The following RDX variants were observed in gnomAD, a reference collection of about 807,000 sequenced individuals.
RDX encodes the protein deafness, autosomal recessive 24.
Under a neutral mutation model 83.7 loss-of-function variants are expected in RDX, and 32 were observed. The ratio of observed to expected loss-of-function variants is 0.38; its 90% confidence interval spans 0.29 to 0.51. The LOEUF is 0.51. Ranked by LOEUF, RDX falls within the 20% of genes least tolerant of loss-of-function variation. The pLI, the probability that RDX is intolerant of heterozygous loss-of-function variation, is 0.87. For synonymous variants in RDX, 229 were observed against 222.7 expected (o/e 1.03, Z -0.25); for missense variants, 600 against 689.9 (o/e 0.87, Z 1.46).
chr11:110,203,700 T>C, intron 14 of RDX, among the ~76,000 whole-genome samples: 1 of 152,018 alleles, frequency 6.6e-6, no homozygotes, highest in East Asian at 1.9e-4. Flanking sequence ...AAATTTTTAG[T>C]AGCATCATCT....
chr11:110,213,078 T>C (rs1005123270), intron 14 of RDX, among the ~76,000 whole-genome samples: 2 of 151,556 alleles, frequency 1.3e-5, no homozygotes, highest in African/African-American at 4.9e-5. Flanking sequence ...ATTGTATATC[T>C]AGAAAACCCC....
At position 110,247,975 on chromosome 11, in the gene RDX, G is replaced by A. The variant is rs184821342; in HGVS notation, c.960-142C>T. 1,428 of 911,212 alleles carry A rather than the reference G, an allele frequency of 1.6e-3. 26 individuals carry two copies. In the African/African-American group the frequency reaches 0.02, roughly 13 times the overall value. The allele number at this position is 911,212 out of a possible 1,614,324, so 56.4% of individuals were successfully genotyped here. A position where few individuals can be genotyped will look rare whatever the true frequency, so the allele number is the denominator to read the frequency against. ...GAAGCTGGAGGCCATGATTCTAAGT[G>A]AAGTAACTCAGAACATACAAATGCC... On this transcript the variant is annotated intron_variant, in intron 9 of 13. Coordinates refer to ENST00000645495, the MANE Select transcript of RDX (RefSeq NM_002906.4).
At chr11:110,275,179 C>T (rs939163885) in intron 2 of RDX, among the ~76,000 whole-genome samples, 3 of 152,182 alleles carry the variant, frequency 2.0e-5, no homozygotes, top group African/African-American at 7.2e-5. Context: ...CTGTACATGG[C>T]ATGTGCATAC....
chr11:110,273,475 G>C (rs1860383906), intron 2 of RDX, among the ~76,000 whole-genome samples: 1 of 152,208 alleles, frequency 6.6e-6, no homozygotes, highest in Non-Finnish European at 1.5e-5. Flanking sequence ...ATTCATGCGT[G>C]CAATCATGGC....
intron 14 of RDX, among the ~76,000 whole-genome samples, chr11:110,219,570 C>T (rs1404567494): frequency 1.3e-5 from 2 of 151,998 alleles, no homozygotes; most frequent in East Asian, 3.8e-4. Context: ...ATGAGGTGGT[C>T]ACATTCTGGA....
At chr11:110,284,973 C>T (rs1291519521) in intron 1 of RDX, among the ~76,000 whole-genome samples, 1 of 152,186 alleles carries the variant, frequency 6.6e-6, no homozygotes, top group Non-Finnish European at 1.5e-5. Flanking sequence ...CTTTCATTAG[C>T]TTCTACAACA....
intron 2 of RDX, among the ~76,000 whole-genome samples, chr11:110,276,972 G>T (rs1860542208): frequency 6.6e-6 from 1 of 152,130 alleles, no homozygotes; most frequent in African/African-American, 2.4e-5. Context: ...ACCTTGATGG[G>T]AGTTTCATGT....
intron 15 of RDX, among the ~76,000 whole-genome samples, chr11:110,189,792 A>G (rs139242573): frequency 0.017 from 2,540 of 152,272 alleles, 87 homozygotes; most frequent in African/African-American, 0.056. Context: ...GGAATCAAAA[A>G]AATTCTTTTG....
chr11:110,187,089 C>T (rs1401838613), intron 15 of RDX, among the ~76,000 whole-genome samples: 1 of 152,216 alleles, frequency 6.6e-6, no homozygotes, highest in African/African-American at 2.4e-5. Flanking sequence ...TCAGAGCCAA[C>T]TTGGCACCCT....
At chr11:110,249,969 G>A (rs974637369) in intron 9 of RDX, among the ~76,000 whole-genome samples, 5 of 152,136 alleles carry the variant, frequency 3.3e-5, no homozygotes, top group African/African-American at 7.2e-5. Context: ...AGGTACTTTC[G>A]CAACAGCAAG....
At chr11:110,241,733 C>T (rs1473670551) in intron 10 of RDX, among the ~76,000 whole-genome samples, 1 of 152,158 alleles carries the variant, frequency 6.6e-6, no homozygotes, top group Non-Finnish European at 1.5e-5. Context: ...CAAACCAATA[C>T]CTGAATATCC....
In RDX at chr11:110,266,287, C is replaced by G. The variant is rs369379481; in HGVS notation, c.97-1413G>C. On this transcript the variant is annotated intron_variant, in intron 3 of 13. Coordinates refer to ENST00000645495, the MANE Select transcript of RDX (RefSeq NM_002906.4). ...AGCGGAGCTTGCAGTGAGCCGAGAT[C>G]GTGCCACTGCACTCCAGCCTGGGCG... Among the ~76,000 whole-genome samples, 150 of 151,554 alleles carry G rather than the reference C, an allele frequency of 9.9e-4. 1 individual carries two copies. Among genetic ancestry groups the G allele is most frequent in the Middle Eastern group, 6.8e-3 (2 of 292 alleles).
intron 12 of RDX, among the ~76,000 whole-genome samples, chr11:110,235,470 T>C (rs552618022): frequency 6.6e-6 from 1 of 152,346 alleles, no homozygotes; most frequent in Non-Finnish European, 1.5e-5. Flanking sequence ...TGGGTCTTTA[T>C]CTCTTAAGTA....
At position 110,197,902 on chromosome 11, in the gene RDX, A is replaced by G. The variant is rs116625004; in HGVS notation, c.*31+1679T>C. ...CAAATGATGATGGATGTGTCGTAGC[A>G]TTTCAAGTGGACTTTGAAACAATGA... On this transcript the variant is annotated intron_variant, in intron 15 of 15. Coordinates refer to the RDX transcript ENST00000528498. Among the ~76,000 whole-genome samples, 968 of 152,340 alleles carry G rather than the reference A, an allele frequency of 6.4e-3. 11 individuals are homozygous for G. Among genetic ancestry groups the G allele is most frequent in the African/African-American group, 0.021 (873 of 41,580 alleles).
intron 14 of RDX, among the ~76,000 whole-genome samples, chr11:110,202,601 T>TC (rs1436441703): frequency 6.6e-6 from 1 of 150,530 alleles, no homozygotes; most frequent in African/African-American, 2.4e-5. Flanking sequence ...CTTTCTTTTT[T>TC]TTTTTTTTTT....
chr11:110,275,782 CT>C (rs36018441), intron 2 of RDX, among the ~76,000 whole-genome samples: 464 of 117,284 alleles, frequency 4.0e-3, no homozygotes, highest in African/African-American at 0.012. Context: ...TTTTACCATC[CT>C]TTTTTTTTTT....
chr11:110,241,601 A>C (rs752575506), intron 10 of RDX, among the ~76,000 whole-genome samples: 7 of 152,116 alleles, frequency 4.6e-5, no homozygotes, highest in Admixed American at 3.3e-4. Context: ...CCAGCCTCAA[A>C]CTTTAATAAT....
At chr11:110,238,683 G>C (rs1864958106) in intron 10 of RDX, among the ~76,000 whole-genome samples, 1 of 152,074 alleles carries the variant, frequency 6.6e-6, no homozygotes, top group Non-Finnish European at 1.5e-5. Flanking sequence ...CAGCACTTTG[G>C]GTGACTGAGG....
At chr11:110,206,270 A>AAC (rs1555031203) in intron 14 of RDX, among the ~76,000 whole-genome samples, 1,918 of 151,376 alleles carry the variant, frequency 0.013, 43 homozygotes, top group African/African-American at 0.045. Flanking sequence ...AAAAAAAAAA[A>AAC]AAAAATACTG....
Sources: allele counts gnomAD v4.1 joint callset (sites outside exome capture counted in the v4.1 genomes callset), GRCh38; gene constraint gnomAD v4.1.1; transcripts MANE v1.5; gene names NCBI Gene and HGNC (gene_info 2026-07-23, HGNC 2026-07-21).